ESRRG: variants seen among roughly 807,000 people sequenced by gnomAD.
ESRRG encodes estrogen-related receptor gamma.
ESRRG carries 13 observed loss-of-function variants against 44.0 expected under a neutral mutation model. The observed-to-expected ratio is 0.30, with a 90% CI of 0.19 to 0.47. The LOEUF (loss-of-function observed/expected upper bound fraction) is 0.47, where lower values mean the gene tolerates loss of function less well. ESRRG is among the 20% of genes least tolerant of loss of function. The pLI, the probability that ESRRG is intolerant of heterozygous loss-of-function variation, is 1.00. For missense variants in ESRRG, 395 were observed against 580.6 expected, an observed-to-expected ratio of 0.68 and a Z score of 3.29; for synonymous variants, 215 against 214.6, an observed-to-expected ratio of 1.00 and a Z score of -0.02.
At chr1:217,034,605 C>A (rs2082567450) in intron 1 of ESRRG, among the ~76,000 whole-genome samples, 1 of 152,196 alleles carries the variant, frequency 6.6e-6, no homozygotes. Context: ...CTAGGGCAAT[C>A]ACTGCTTCCC....
intron 2 of ESRRG, among the ~76,000 whole-genome samples, chr1:216,855,807 C>T (rs772915805): frequency 6.6e-6 from 1 of 152,160 alleles, no homozygotes; most frequent in East Asian, 1.9e-4. Flanking sequence ...TGTGACAGTT[C>T]CCCGCTTGAA....
At chr1:216,895,638 G>A (rs1029676793) in intron 2 of ESRRG, among the ~76,000 whole-genome samples, 5 of 152,176 alleles carry the variant, frequency 3.3e-5, no homozygotes, top group Non-Finnish European at 7.3e-5. Flanking sequence ...AACAGTCTTA[G>A]AGTCAACTTT....
chr1:217,035,381 T>G (rs1053037224), intron 1 of ESRRG, among the ~76,000 whole-genome samples: 2 of 142,664 alleles, frequency 1.4e-5, no homozygotes, highest in Non-Finnish European at 3.0e-5. Flanking sequence ...CAGTAAAGAA[T>G]AGCTGTTGTT....
intron 1 of ESRRG, among the ~76,000 whole-genome samples, chr1:217,055,432 C>T (rs1295591070): frequency 6.6e-6 from 1 of 152,144 alleles, no homozygotes; most frequent in African/African-American, 2.4e-5. Flanking sequence ...TATTCACTTT[C>T]CTACAGTCCA....
At chr1:216,715,507 C>T (rs2084660983) in intron 1 of ESRRG, among the ~76,000 whole-genome samples, 2 of 152,128 alleles carry the variant, frequency 1.3e-5, no homozygotes, top group South Asian at 4.2e-4. Flanking sequence ...ATTTAACATG[C>T]CCATCTTACA....
chr1:217,093,971 C>T (rs2092388547), upstream of ESRRG, among the ~76,000 whole-genome samples: 1 of 152,108 alleles, frequency 6.6e-6, no homozygotes, highest in Admixed American at 6.6e-5. Context: ...TAACCTCAAA[C>T]TCCTGGGCTC....
exon 1 of ESRRG, chr1:217,089,580 C>T (rs2092293512): frequency 6.6e-6 from 1 of 152,252 alleles, no homozygotes; most frequent in Non-Finnish European, 1.5e-5. Context: ...AAGCCGGTTT[C>T]TTTGGCTATG....
chr1:216,682,773 G>C (rs4846641), intron 1 of ESRRG, among the ~76,000 whole-genome samples: 1 of 150,916 alleles, frequency 6.6e-6, no homozygotes, highest in East Asian at 1.9e-4. Flanking sequence ...CTCTAGACTA[G>C]TGTTGCAGCT....
chr1:216,823,945 A>G (rs1361450020), intron 2 of ESRRG, among the ~76,000 whole-genome samples: 1 of 152,176 alleles, frequency 6.6e-6, no homozygotes, highest in East Asian at 1.9e-4. Flanking sequence ...CCCTTCACAA[A>G]ATGGACATGG....
intron 3 of ESRRG, among the ~76,000 whole-genome samples, chr1:216,587,722 C>T (rs368457996): frequency 1.9e-4 from 29 of 152,176 alleles, no homozygotes; most frequent in African/African-American, 7.0e-4. Flanking sequence ...AAAGAATCTG[C>T]AAGGAAACCA....
At chr1:216,539,463 G>C (rs995124775) in intron 5 of ESRRG, among the ~76,000 whole-genome samples, 2 of 151,862 alleles carry the variant, frequency 1.3e-5, no homozygotes, top group Admixed American at 1.3e-4. Flanking sequence ...CCCCTACCTT[G>C]TTTTCAGCCA....
chr1:216,522,142 T>G (rs940091879), intron 5 of ESRRG, among the ~76,000 whole-genome samples: 6 of 151,952 alleles, frequency 3.9e-5, no homozygotes, highest in African/African-American at 1.4e-4. Flanking sequence ...GATGGTTGTG[T>G]GTGTGTATAT....
intron 2 of ESRRG, among the ~76,000 whole-genome samples, chr1:216,844,805 T>G (rs1240894080): frequency 6.6e-6 from 1 of 151,914 alleles, no homozygotes; most frequent in East Asian, 1.9e-4. Flanking sequence ...TGCATGCAAA[T>G]TAGTAATATA....
chr1:216,511,248 G>A (rs2042628021), intron 6 of ESRRG, among the ~76,000 whole-genome samples: 1 of 152,026 alleles, frequency 6.6e-6, no homozygotes, highest in African/African-American at 2.4e-5. Flanking sequence ...GTGGAAAAAG[G>A]TCTATTTTCT....
chr1:216,514,605 G>A (rs2043646873), intron 6 of ESRRG, among the ~76,000 whole-genome samples: 1 of 152,060 alleles, frequency 6.6e-6, no homozygotes, highest in South Asian at 2.1e-4. Flanking sequence ...AAATTGTAAT[G>A]GGTAAAGTCT....
At chr1:216,741,769 T>C (rs773783792) in intron 2 of ESRRG, among the ~76,000 whole-genome samples, 42 of 152,208 alleles carry the variant, frequency 2.8e-4, no homozygotes, top group Non-Finnish European at 5.9e-4. Context: ...ATGAAACAGA[T>C]GAATTCATGC....
Position 217,120,580 on chromosome 1 carries a change from G to T in ESRRG, c.-230+17087C>A, listed in dbSNP as rs118061311. 5.4e-4 allele frequency among the ~76,000 whole-genome samples: 82 copies of T among 152,024 alleles called. No individual in the cohort carries two copies. The East Asian group carries it at 9.7e-3, about 18-fold the overall frequency. Reference sequence around the variant, plus strand: ...GACTTATGACGTTCTTCAGCGTCTAGCCCCTACCTCTCCTGCCTTATCCTG... The same window carrying T: ...GACTTATGACGTTCTTCAGCGTCTATCCCCTACCTCTCCTGCCTTATCCTG... On this transcript the variant is annotated intron_variant, in intron 1 of 8. Transcript: ENST00000366940.
At chr1:216,982,903 T>C (rs2074203932) in intron 1 of ESRRG, among the ~76,000 whole-genome samples, 2 of 152,172 alleles carry the variant, frequency 1.3e-5, no homozygotes, top group Non-Finnish European at 2.9e-5. Context: ...TAATTTTATC[T>C]TCACACACAA....
intron 1 of ESRRG, among the ~76,000 whole-genome samples, chr1:217,062,973 G>A (rs10495039): frequency 0.24 from 37,119 of 152,050 alleles, 5,863 homozygotes; most frequent in Non-Finnish European, 0.35. Context: ...AGGAACTCTA[G>A]TATGTACCTA....
Sources: allele counts gnomAD v4.1 joint callset (sites outside exome capture counted in the v4.1 genomes callset), GRCh38; gene constraint gnomAD v4.1.1; transcripts MANE v1.5; gene names NCBI Gene and HGNC (gene_info 2026-07-23, HGNC 2026-07-21).